Variants in SNTB2 observed in about 807,000 individuals in gnomAD.
SNTB2 encodes the protein beta-2-syntrophin.
SNTB2 carries 34 observed loss-of-function variants against 46.2 expected under a neutral mutation model. The observed-to-expected ratio is 0.74, with a 90% CI of 0.56 to 0.98. The LOEUF (loss-of-function observed/expected upper bound fraction) is 0.98, where lower values mean the gene tolerates loss of function less well. Among genes scored for constraint, SNTB2 ranks in the 50% least tolerant of loss-of-function variants. The probability of loss-of-function intolerance (pLI) is 0.00; values close to 1 mark genes in which losing one functional copy is unlikely to be tolerated. For missense variants in SNTB2, 603 were observed against 731.4 expected, an observed-to-expected ratio of 0.82 and a Z score of 2.02; for synonymous variants, 290 against 312.6, an observed-to-expected ratio of 0.93 and a Z score of 0.76.
intron 1 of SNTB2, among the ~76,000 whole-genome samples, chr16:69,244,810 G>A (rs112994678): frequency 0.011 from 1,606 of 152,250 alleles, 14 homozygotes; most frequent in South Asian, 0.021. Context: ...TGTTTACATA[G>A]CTGTCTCCCC....
chr16:69,200,001 A>G (rs965567324), intron 1 of SNTB2, among the ~76,000 whole-genome samples: 1 of 151,734 alleles, frequency 6.6e-6, no homozygotes, highest in African/African-American at 2.4e-5. Flanking sequence ...CGCAACCTCC[A>G]TCTCCCGGGT....
intron 4 of SNTB2, among the ~76,000 whole-genome samples, chr16:69,282,546 GTTC>G (rs984057364): frequency 2.0e-5 from 3 of 151,968 alleles, no homozygotes; most frequent in African/African-American, 4.8e-5. Context: ...TTCAACTTTT[GTTC>G]TTCTTTAGTA....
At chr16:69,195,635 A>G (rs1272123939) in intron 1 of SNTB2, among the ~76,000 whole-genome samples, 1 of 152,080 alleles carries the variant, frequency 6.6e-6, no homozygotes, top group African/African-American at 2.4e-5. Context: ...CTAATTCTGT[A>G]TAGTCAGCTA....
At chr16:69,258,874 A>C (rs1429605766) in intron 2 of SNTB2, among the ~76,000 whole-genome samples, 1 of 151,906 alleles carries the variant, frequency 6.6e-6, no homozygotes, top group African/African-American at 2.4e-5. Flanking sequence ...CAGCCTCCCA[A>C]AGTGCTGAGA....
chr16:69,198,305 C>T (rs776244629), intron 1 of SNTB2, among the ~76,000 whole-genome samples: 3 of 152,038 alleles, frequency 2.0e-5, no homozygotes, highest in Non-Finnish European at 2.9e-5. Flanking sequence ...GACAGGGTTT[C>T]GCCATGTCGC....
At chr16:69,278,439 T>A (rs1965002122) in intron 4 of SNTB2, among the ~76,000 whole-genome samples, 1 of 151,848 alleles carries the variant, frequency 6.6e-6, no homozygotes, top group Non-Finnish European at 1.5e-5. Context: ...ATATGTATAC[T>A]TCACTTTTTT....
At chr16:69,276,887 T>C (rs1201566531) in intron 4 of SNTB2, among the ~76,000 whole-genome samples, 2 of 152,188 alleles carry the variant, frequency 1.3e-5, no homozygotes, top group East Asian at 3.8e-4. Context: ...CCAGTTTAAC[T>C]TCCAAATGTC....
intron 1 of SNTB2, among the ~76,000 whole-genome samples, chr16:69,212,622 C>T (rs1338325511): frequency 1.3e-5 from 2 of 151,962 alleles, no homozygotes; most frequent in South Asian, 2.1e-4. Context: ...CAGGCGTGAG[C>T]CACCGCGCCC....
At chr16:69,289,036 G>A (rs1025292920) in intron 5 of SNTB2, among the ~76,000 whole-genome samples, 10 of 152,036 alleles carry the variant, frequency 6.6e-5, no homozygotes, top group Admixed American at 2.6e-4. Flanking sequence ...TTGGGAGGCC[G>A]AGGCGCGCGG....
At chr16:69,210,338 A>G (rs1964270179) in intron 1 of SNTB2, among the ~76,000 whole-genome samples, 1 of 151,554 alleles carries the variant, frequency 6.6e-6, no homozygotes. Context: ...CCCAGGTTCA[A>G]GCTATTCTCC....
chr16:69,191,550 C>T (rs1359008932), intron 1 of SNTB2, among the ~76,000 whole-genome samples: 1 of 114,384 alleles, frequency 8.7e-6, no homozygotes, highest in African/African-American at 3.4e-5. Context: ...AGAGCAAGAT[C>T]CTGTCTCAAA....
intron 5 of SNTB2, among the ~76,000 whole-genome samples, chr16:69,298,019 G>A (rs536846377): frequency 2.3e-4 from 35 of 151,884 alleles, no homozygotes; most frequent in African/African-American, 8.0e-4. Context: ...GCTCACTGCA[G>A]CCTTGAACTC....
At position 69,292,418 on chromosome 16, in the gene SNTB2, T is replaced by TTATATATA. The variant is rs1491147095; in HGVS notation, c.1346-7162_1346-7155dup. On this transcript the variant is annotated intron_variant, in intron 5 of 6. Transcript: ENST00000336278. ...TATATATATATATATTATATATATA[T>TTATATATA]TATATATATATATATATTATATATA... Among the ~76,000 whole-genome samples, 20 of 14,252 alleles carry TTATATATA rather than the reference T, an allele frequency of 1.4e-3. 2 individuals are homozygous for TTATATATA. In the African/African-American group the frequency reaches 0.015, roughly 11 times the overall value. The allele number at this position is 14,252 out of a possible 152,430, so 9.3% of individuals were successfully genotyped here.
chr16:69,291,994 C>T (rs1410541665), intron 5 of SNTB2, among the ~76,000 whole-genome samples: 13 of 151,498 alleles, frequency 8.6e-5, no homozygotes, highest in African/African-American at 3.2e-4. Flanking sequence ...CCGAGGTGGG[C>T]GGATCATGAG....
intron 2 of SNTB2, among the ~76,000 whole-genome samples, chr16:69,255,080 TTTA>T (rs968087756): frequency 2.0e-5 from 3 of 151,888 alleles, no homozygotes; most frequent in Non-Finnish European, 4.4e-5. Flanking sequence ...ATAAAATTAT[TTTA>T]TTATTATTTT....
At position 69,304,278 on chromosome 16, in the gene SNTB2, G is replaced by A. The variant is rs1411763615; in HGVS notation, c.*3354G>A. 1 of 152,610 alleles carries A rather than the reference G, an allele frequency of 6.6e-6. No individual in the cohort carries two copies. The highest frequency in any genetic ancestry group is 6.5e-5 in the Admixed American group (1 of 15,276). The allele number at this position is 152,610 out of a possible 1,614,324, so 9.5% of individuals were successfully genotyped here. On this transcript the variant is annotated 3_prime_UTR_variant, in exon 7 of 7. Coordinates refer to ENST00000336278, the MANE Select transcript of SNTB2 (RefSeq NM_006750.4). ...AAGTTCCTGCAGTATTTATTAGATA[G>A]TTGTAACTGTAAACTCACCTCCCTA...
At chr16:69,247,482 T>TC (rs1463873027) in intron 2 of SNTB2, among the ~76,000 whole-genome samples, 1 of 152,138 alleles carries the variant, frequency 6.6e-6, no homozygotes, top group African/African-American at 2.4e-5. Context: ...CACAGCCAGG[T>TC]CCCTGATCAG....
At chr16:69,218,547 G>T (rs1964370879) in intron 1 of SNTB2, among the ~76,000 whole-genome samples, 1 of 151,636 alleles carries the variant, frequency 6.6e-6, no homozygotes, top group Admixed American at 6.6e-5. Flanking sequence ...TCAGCCTCAC[G>T]AGTAGCTGGG....
chr16:69,218,491 G>A (rs1042474220), intron 1 of SNTB2, among the ~76,000 whole-genome samples: 11 of 150,576 alleles, frequency 7.3e-5, no homozygotes, highest in African/African-American at 1.5e-4. Flanking sequence ...GCACGATCTC[G>A]GCTCACTGCA....
Sources: allele counts gnomAD v4.1 joint callset (sites outside exome capture counted in the v4.1 genomes callset), GRCh38; gene constraint gnomAD v4.1.1; transcripts MANE v1.5; gene names NCBI Gene and HGNC (gene_info 2026-07-23, HGNC 2026-07-21).